Variants in MAP2K2 observed in about 807,000 individuals in gnomAD.
The protein encoded by MAP2K2 is dual specificity mitogen-activated protein kinase kinase 2.
In MAP2K2, 24 loss-of-function variants were observed where a neutral mutation model predicts 43.7. That is an observed-to-expected ratio of 0.55 (90% CI 0.40 to 0.77). The LOEUF is 0.77. Ranked by LOEUF, MAP2K2 falls within the 30% of genes least tolerant of loss-of-function variation. MAP2K2 has a pLI of 0.00. For synonymous variants in MAP2K2, 244 were observed against 239.7 expected (o/e 1.02, Z -0.17); for missense variants, 470 against 566.8 (o/e 0.83, Z 1.73).
rs1050478698 is a variant in MAP2K2 at position 4,108,559 on chromosome 19, G to T, written c.450+1950C>A. Among the ~76,000 whole-genome samples the T allele has an allele frequency of 2.0e-5, 3 of 151,920 alleles. No homozygotes were observed. The South Asian group carries it at 6.2e-4, about 32-fold the overall frequency. ...CACCGCCCCTGGCTAGACCACCTCGGAACTTTTAAAGGGTGCACTCCATAA... is the reference window on the plus strand; with the variant it reads ...CACCGCCCCTGGCTAGACCACCTCGTAACTTTTAAAGGGTGCACTCCATAA... On this transcript the variant is annotated intron_variant, in intron 3 of 10. Coordinates refer to ENST00000262948, the MANE Select transcript of MAP2K2 (RefSeq NM_030662.4).
chr19:4,103,311 G>T, intron 3 of MAP2K2: 3 of 964,042 alleles, frequency 3.1e-6, no homozygotes, highest in Non-Finnish European at 3.7e-6. Context: ...GCCCAAGGCT[G>T]CCTGGCAACA....
At chr19:4,108,938 C>T (rs1457875151) in intron 3 of MAP2K2, among the ~76,000 whole-genome samples, 1 of 152,180 alleles carries the variant, frequency 6.6e-6, no homozygotes, top group African/African-American at 2.4e-5. Context: ...TTGATGCCGC[C>T]GGCAACGTGA....
rs2040842974 is a variant in MAP2K2, at chr19:4,090,368, C to T, written c.*230G>A. The T allele has an allele frequency of 1.7e-6, 1 of 599,752 alleles. No homozygotes were observed. The allele number at this position is 599,752 out of a possible 1,614,324, so 37.2% of individuals were successfully genotyped here. On this transcript the variant is annotated 3_prime_UTR_variant, in exon 11 of 11. Coordinates refer to ENST00000262948, the MANE Select transcript of MAP2K2 (RefSeq NM_030662.4). The stretch of plus-strand genomic sequence containing the variant: ...TGTTTTGTAACCTAAGGAAGCAGAG[C>T]CTCTGAGACCACACACAGCAGCGTC...
chr19:4,093,798 G>T (rs1340989079), intron 10 of MAP2K2, among the ~76,000 whole-genome samples: 1 of 152,184 alleles, frequency 6.6e-6, no homozygotes, highest in African/African-American at 2.4e-5. Context: ...GAAAGTAACG[G>T]GCTGTCTAGG....
intron 2 of MAP2K2, among the ~76,000 whole-genome samples, chr19:4,113,405 G>GCAGA (rs554435790): frequency 1.3e-5 from 2 of 152,152 alleles, no homozygotes; most frequent in African/African-American, 4.8e-5. Flanking sequence ...AAGGGGAAAG[G>GCAGA]CAGACAGACA....
intron 3 of MAP2K2, among the ~76,000 whole-genome samples, chr19:4,105,418 G>A (rs933540125): frequency 5.3e-5 from 8 of 151,760 alleles, no homozygotes; most frequent in African/African-American, 1.2e-4. Flanking sequence ...ACAGGTGCCC[G>A]CCACCACACT....
intron 3 of MAP2K2, chr19:4,102,661 C>A: frequency 2.0e-6 from 2 of 996,690 alleles, no homozygotes; most frequent in South Asian, 3.1e-5. Flanking sequence ...GGGGAAGGAA[C>A]AGGGCCCAGG....
intron 6 of MAP2K2, chr19:4,099,700 G>A: frequency 2.1e-6 from 1 of 479,508 alleles, no homozygotes; most frequent in Non-Finnish European, 3.7e-6. Context: ...GCCCCAGGAA[G>A]CAGGGGCCTC....
intron 1 of MAP2K2, among the ~76,000 whole-genome samples, chr19:4,123,546 T>C (rs1471376354): frequency 1.9e-4 from 12 of 63,562 alleles, no homozygotes; most frequent in East Asian, 3.8e-4. Context: ...CGCCCCGTCC[T>C]CCGAGGGCCC....
intron 1 of MAP2K2, 51 bp downstream of exon 1, chr19:4,123,733 G>A (rs969160123): frequency 1.2e-5 from 16 of 1,381,868 alleles, no homozygotes; most frequent in Middle Eastern, 1.8e-4. Context: ...CTTCCCCGAG[G>A]GCTCCCTGCC....
intron 6 of MAP2K2, 97 bp from the exon 7 acceptor site, chr19:4,099,511 T>C (rs1241574858): frequency 1.2e-5 from 12 of 963,506 alleles, no homozygotes; most frequent in Middle Eastern, 2.1e-4. Context: ...ACCCTCTCCA[T>C]GGCTAATGAC....
intron 1 of MAP2K2, among the ~76,000 whole-genome samples, chr19:4,121,379 C>T (rs981586298): frequency 6.6e-6 from 1 of 151,702 alleles, no homozygotes; most frequent in Non-Finnish European, 1.5e-5. Context: ...GTTCCTCACA[C>T]TCTGGCTTCC....
chr19:4,119,059 G>C (rs963277967), intron 1 of MAP2K2, among the ~76,000 whole-genome samples: 1 of 152,114 alleles, frequency 6.6e-6, no homozygotes, highest in African/African-American at 2.4e-5. Context: ...TTTAGAGACA[G>C]GGTCCTGCTC....
chr19:4,099,545 T>TA, intron 6 of MAP2K2, 131 bp from the exon 7 acceptor site: 1 of 740,024 alleles, frequency 1.4e-6, no homozygotes, highest in East Asian at 2.7e-5. Flanking sequence ...AGAGAGCTGT[T>TA]ACGCAATTCT....
chr19:4,097,380 T>C (rs1239906693), intron 7 of MAP2K2, 37 bp from the exon 8 acceptor site: 5 of 1,524,796 alleles, frequency 3.3e-6, no homozygotes, highest in Non-Finnish European at 4.5e-6. Flanking sequence ...GATGGGCCGA[T>C]GGCCACCTCA....
intron 6 of MAP2K2, 34 bp downstream of exon 6, chr19:4,100,985 G>C: frequency 1.9e-6 from 3 of 1,551,334 alleles, no homozygotes; most frequent in Non-Finnish European, 2.6e-6. Context: ...GCAGCAGGGA[G>C]GAGAGCTGGA....
chr19:4,099,144 C>T (rs1319508707), intron 7 of MAP2K2, 57 bp downstream of exon 7: 2 of 1,460,374 alleles, frequency 1.4e-6, no homozygotes, highest in South Asian at 1.2e-5. Context: ...CCTGGCACAG[C>T]AGGCCCCGCG....
Position 4,100,428 on chromosome 19 carries a change from T to TGAA in MAP2K2, c.705+590_705+591insTTC, listed in dbSNP as rs1568253174. On this transcript the variant is annotated intron_variant, in intron 6 of 10. Transcript: ENST00000262948. ...CTGGGTGACAGAGCAAGACTCTGTC[T>TGAA]CAAAAAAAAAAAAAAAAAAAAAAAA... 22 of 21,512 alleles carry TGAA rather than the reference T, an allele frequency of 1.0e-3. 1 individual carries two copies. The highest frequency in any genetic ancestry group is 5.2e-3 in the African/African-American group (22 of 4,236). The allele number at this position is 21,512 out of a possible 1,614,324, so 1.3% of individuals were successfully genotyped here. A position where few individuals can be genotyped will look rare whatever the true frequency, so the allele number is the denominator to read the frequency against.
At position 4,115,006 on chromosome 19, in the gene MAP2K2, A is replaced by G. The variant is rs898495383; in HGVS notation, c.303+2413T>C. On this transcript the variant is annotated intron_variant, in intron 2 of 10. Coordinates refer to ENST00000262948, the MANE Select transcript of MAP2K2 (RefSeq NM_030662.4). The surrounding 1 kb of genome is among the most constrained non-coding windows in gnomAD (Gnocchi z 4.1). Reference sequence around the variant, plus strand: ...GCCCTTGCAGCCCTACCTGCATAGCAGCCAGAGCCGCTGAGCCCACGAGCT... The same window carrying G: ...GCCCTTGCAGCCCTACCTGCATAGCGGCCAGAGCCGCTGAGCCCACGAGCT... 1.3e-5 allele frequency among the ~76,000 whole-genome samples: 2 copies of G among 152,230 alleles called. No individual in the cohort carries two copies. Among genetic ancestry groups the G allele is most frequent in the African/African-American group, 4.8e-5 (2 of 41,466 alleles).
Sources: gnomAD v4.1 joint callset for allele counts (sites outside exome capture counted in the v4.1 genomes callset) on GRCh38, gnomAD v4.1.1 for gene constraint, Gnocchi (gnomAD v3.1) non-coding constraint, MANE v1.5 for transcripts, NCBI Gene and HGNC (gene_info 2026-07-23, HGNC 2026-07-21) for gene names.